TSPAN9: variants seen among roughly 807,000 people sequenced by gnomAD.
TSPAN9 encodes the protein tetraspanin 9.
TSPAN9 carries 16 observed loss-of-function variants against 31.0 expected under a neutral mutation model. The ratio of observed to expected loss-of-function variants is 0.52; its 90% CI spans 0.35 to 0.78. The LOEUF (loss-of-function observed/expected upper bound fraction) is 0.78. Ranked by LOEUF, TSPAN9 falls within the 30% of genes least tolerant of loss-of-function variation. The probability of loss-of-function intolerance (pLI) is 0.01; values close to 1 mark genes in which losing one functional copy is unlikely to be tolerated. For synonymous variants in TSPAN9, 145 were observed against 121.6 expected, an observed-to-expected ratio of 1.19 and a Z score of -1.27; for missense variants, 272 against 312.5, an observed-to-expected ratio of 0.87 and a Z score of 0.98.
chr12:3,085,406 C>CCAGG (rs2098299942), intron 2 of TSPAN9, among the ~76,000 whole-genome samples: 1 of 151,616 alleles, frequency 6.6e-6, no homozygotes, highest in Non-Finnish European at 1.5e-5. Flanking sequence ...CCGTGTCTAT[C>CCAGG]TAGATGACCG....
At chr12:3,263,873 C>T (rs532856560) in intron 3 of TSPAN9, among the ~76,000 whole-genome samples, 38 of 152,170 alleles carry the variant, frequency 2.5e-4, no homozygotes, top group Admixed American at 1.2e-3. Flanking sequence ...GGACCGAGAA[C>T]AGTGCAAAGG....
intron 3 of TSPAN9, among the ~76,000 whole-genome samples, chr12:3,242,567 T>C (rs1477943946): frequency 6.6e-6 from 1 of 152,194 alleles, no homozygotes; most frequent in African/African-American, 2.4e-5. Context: ...GCCTGCCAGC[T>C]CCCCGAGGAT....
intron 3 of TSPAN9, among the ~76,000 whole-genome samples, chr12:3,254,881 G>A (rs890048159): frequency 6.6e-6 from 1 of 152,154 alleles, no homozygotes; most frequent in Non-Finnish European, 1.5e-5. Flanking sequence ...TTCTGTCTAC[G>A]GTTTGTGACC....
chr12:3,258,329 C>G (rs916345745), intron 3 of TSPAN9, among the ~76,000 whole-genome samples: 1 of 152,088 alleles, frequency 6.6e-6, no homozygotes, highest in African/African-American at 2.4e-5. Context: ...GTGTCTGAGT[C>G]CTGTGGGTCT....
intron 3 of TSPAN9, among the ~76,000 whole-genome samples, chr12:3,228,185 CAA>C (rs1180763641): frequency 2.0e-5 from 3 of 152,012 alleles, no homozygotes; most frequent in African/African-American, 4.8e-5. Flanking sequence ...CTCAACTCTA[CAA>C]AAAAATATAG....
At chr12:3,201,031 C>A (rs1439573549) in intron 2 of TSPAN9, 146 bp from the exon 3 acceptor site, 7 of 689,348 alleles carry the variant, frequency 1.0e-5, no homozygotes, top group African/African-American at 1.8e-5. Flanking sequence ...TCGGCCGCGG[C>A]TTCACGGCCG....
chr12:3,185,474 G>A (rs1266008619), intron 2 of TSPAN9, among the ~76,000 whole-genome samples: 2 of 152,200 alleles, frequency 1.3e-5, no homozygotes, highest in Non-Finnish European at 2.9e-5. Context: ...CTTTCCCCAT[G>A]GCTGGTGGAT....
chr12:3,104,754 A>G (rs894783160), intron 2 of TSPAN9, among the ~76,000 whole-genome samples: 10 of 152,146 alleles, frequency 6.6e-5, no homozygotes, highest in African/African-American at 2.4e-4. Flanking sequence ...ACTCCAATTT[A>G]CTTAGCAAGA....
At chr12:3,256,908 A>G (rs1862358299) in intron 3 of TSPAN9, among the ~76,000 whole-genome samples, 1 of 152,138 alleles carries the variant, frequency 6.6e-6, no homozygotes, top group South Asian at 2.1e-4. Context: ...CCTGTAGTAA[A>G]TGAAGAAATC....
chr12:3,281,722 C>T lies in TSPAN9; in HGVS notation c.565-12C>T, dbSNP rs1050339357. Reference sequence around the variant, plus strand: ...GGGCTGGGACCCTAACCTCGTGGGCCTCGCTCCCCAGGGCTGCTATGAAAA... The same window carrying T: ...GGGCTGGGACCCTAACCTCGTGGGCTTCGCTCCCCAGGGCTGCTATGAAAA... On this transcript the variant is annotated splice_polypyrimidine_tract_variant and intron_variant, in intron 7 of 8. Coordinates refer to ENST00000011898, the MANE Select transcript of TSPAN9 (RefSeq NM_006675.5). 2.5e-6 allele frequency: 4 copies of T among 1,608,064 alleles called. No homozygotes were observed. The highest frequency in any genetic ancestry group is 3.4e-6 in the Non-Finnish European group (4 of 1,175,192).
intron 2 of TSPAN9, among the ~76,000 whole-genome samples, chr12:3,095,930 G>T (rs1209008841): frequency 1.3e-5 from 2 of 149,762 alleles, no homozygotes; most frequent in African/African-American, 2.5e-5. Context: ...TTCCCAGACG[G>T]GGTGGCGGCC....
At chr12:3,155,060 G>A (rs769200313) in intron 2 of TSPAN9, among the ~76,000 whole-genome samples, 68 of 152,106 alleles carry the variant, frequency 4.5e-4, no homozygotes, top group Non-Finnish European at 8.5e-4. Flanking sequence ...TTGAACTTCT[G>A]ATTTTTGGGT....
chr12:3,083,082 C>T (rs973460144), intron 1 of TSPAN9, among the ~76,000 whole-genome samples: 4 of 152,210 alleles, frequency 2.6e-5, no homozygotes, highest in African/African-American at 9.7e-5. Flanking sequence ...GTTAACTGCC[C>T]TTTCAGTTTC....
intron 2 of TSPAN9, among the ~76,000 whole-genome samples, chr12:3,098,791 C>T (rs1188576173): frequency 5.4e-5 from 8 of 148,952 alleles, no homozygotes; most frequent in Non-Finnish European, 1.0e-4. Flanking sequence ...CACTCTGTTG[C>T]CCAGCCTGGA....
chr12:3,125,628 T>C (rs969868313), intron 2 of TSPAN9, among the ~76,000 whole-genome samples: 1 of 152,090 alleles, frequency 6.6e-6, no homozygotes, highest in African/African-American at 2.4e-5. Context: ...ATTTAATTGA[T>C]TTTTTTTCTC....
chr12:3,224,328 G>A (rs945618090), intron 3 of TSPAN9, among the ~76,000 whole-genome samples: 2 of 152,252 alleles, frequency 1.3e-5, no homozygotes, highest in African/African-American at 4.8e-5. Context: ...TGGACACTGT[G>A]CTAGGCGCCC....
chr12:3,270,070 G>A (rs1862644615), intron 3 of TSPAN9, among the ~76,000 whole-genome samples: 1 of 152,214 alleles, frequency 6.6e-6, no homozygotes, highest in Non-Finnish European at 1.5e-5. Context: ...TCTGAGGGCT[G>A]TTCCTCGGAC....
chr12:3,154,010 A>ATATATG (rs1485029998), intron 2 of TSPAN9, among the ~76,000 whole-genome samples: 2 of 147,902 alleles, frequency 1.4e-5, no homozygotes, highest in African/African-American at 5.0e-5. Flanking sequence ...TTATATATAT[A>ATATATG]TGTGTGTGTG....
intron 2 of TSPAN9, among the ~76,000 whole-genome samples, chr12:3,096,086 G>C (rs1371680774): frequency 6.6e-6 from 1 of 152,110 alleles, no homozygotes; most frequent in Non-Finnish European, 1.5e-5. Context: ...AGACAGCTCC[G>C]CTGCCCGCTG....
Sources: gnomAD v4.1 joint callset for allele counts (sites outside exome capture counted in the v4.1 genomes callset) on GRCh38, gnomAD v4.1.1 for gene constraint, MANE v1.5 for transcripts, NCBI Gene and HGNC (gene_info 2026-07-23, HGNC 2026-07-21) for gene names.